The following ATRN variants were observed in gnomAD, a reference collection of about 807,000 sequenced individuals.
ATRN encodes the protein attractin.
ATRN carries 54 observed loss-of-function variants against 178.7 expected under a neutral mutation model. The ratio of observed to expected loss-of-function variants is 0.30; its 90% CI spans 0.24 to 0.38. ATRN has a LOEUF of 0.38. Ranked by LOEUF, ATRN falls within the 10% of genes least tolerant of loss-of-function variation. The pLI, the probability that ATRN is intolerant of heterozygous loss-of-function variation, is 1.00. For synonymous variants in ATRN, 636 were observed against 663.0 expected (o/e 0.96, Z 0.63); for missense variants, 1,443 against 1,815.1 (o/e 0.79, Z 3.73).
chr20:3,604,591 G>C (rs1487606129), intron 24 of ATRN, among the ~76,000 whole-genome samples: 2 of 152,240 alleles, frequency 1.3e-5, no homozygotes, highest in Non-Finnish European at 2.9e-5. Flanking sequence ...TTCAATTCTA[G>C]AGTAAGGTGG....
intron 1 of ATRN, chr20:3,491,001 T>G: frequency 1.3e-6 from 2 of 1,498,328 alleles, no homozygotes; most frequent in Non-Finnish European, 1.8e-6. Context: ...CAGTATTGTC[T>G]CCATCTTCCT....
intron 1 of ATRN, chr20:3,490,538 TATA>T: frequency 8.4e-7 from 1 of 1,193,370 alleles, no homozygotes; most frequent in Non-Finnish European, 1.3e-6. Flanking sequence ...AGGTATGTGA[TATA>T]ATCCAGCTTC....
At chr20:3,594,410 G>T in intron 19 of ATRN, 69 bp from the exon 20 acceptor site, 2 of 1,338,840 alleles carry the variant, frequency 1.5e-6, no homozygotes, top group East Asian at 2.5e-5. Flanking sequence ...TGCTTGTTTT[G>T]GAAAAAGTCT....
At chr20:3,483,722 G>C (rs986076760) in intron 1 of ATRN, among the ~76,000 whole-genome samples, 1 of 151,872 alleles carries the variant, frequency 6.6e-6, no homozygotes, top group African/African-American at 2.4e-5. Flanking sequence ...TCAGTCTTTT[G>C]AAACACCTCC....
chr20:3,495,228 T>C (rs2084862140), intron 1 of ATRN, among the ~76,000 whole-genome samples: 1 of 152,210 alleles, frequency 6.6e-6, no homozygotes, highest in Non-Finnish European at 1.5e-5. Flanking sequence ...GAAATATTTT[T>C]AGTATTGGTG....
At chr20:3,614,633 C>T (rs2086816152) in intron 24 of ATRN, among the ~76,000 whole-genome samples, 1 of 152,162 alleles carries the variant, frequency 6.6e-6, no homozygotes, top group Admixed American at 6.5e-5. Context: ...CTTATAACAG[C>T]TTTATTGAGA....
chr20:3,642,437 G>C (rs1218604923), intron 27 of ATRN, among the ~76,000 whole-genome samples: 2 of 152,184 alleles, frequency 1.3e-5, no homozygotes, highest in African/African-American at 4.8e-5. Context: ...CCAAAATCGT[G>C]GAATTGTTCT....
At chr20:3,567,850 AGCCCC>A in intron 11 of ATRN, among the ~76,000 whole-genome samples, 1 of 152,306 alleles carries the variant, frequency 6.6e-6, no homozygotes, top group South Asian at 2.1e-4. Context: ...AACTTTGCAG[AGCCCC>A]TGTGCAACCA....
chr20:3,639,932 T>C (rs903743109), intron 27 of ATRN, among the ~76,000 whole-genome samples: 2 of 152,136 alleles, frequency 1.3e-5, no homozygotes, highest in Non-Finnish European at 2.9e-5. Flanking sequence ...AAAAACATCT[T>C]CAATTCAGCG....
intron 1 of ATRN, among the ~76,000 whole-genome samples, chr20:3,479,203 T>TG (rs2146063978): frequency 6.6e-6 from 1 of 152,296 alleles, no homozygotes; most frequent in Admixed American, 6.5e-5. Context: ...TATTATCTTC[T>TG]TTTGAAATGA....
chr20:3,573,039 T>C (rs2086150274), intron 12 of ATRN, 88 bp downstream of exon 12: 2 of 1,189,548 alleles, frequency 1.7e-6, no homozygotes, highest in South Asian at 2.9e-5. Context: ...ATGTATACTT[T>C]TTATGTTTAC....
At chr20:3,485,661 G>A (rs369624266) in intron 1 of ATRN, among the ~76,000 whole-genome samples, 22 of 110,370 alleles carry the variant, frequency 2.0e-4, no homozygotes, top group African/African-American at 6.6e-4. Flanking sequence ...TTGCCCTGTC[G>A]TCCAGGCTGG....
At chr20:3,575,251 C>A (rs147369749) in intron 12 of ATRN, among the ~76,000 whole-genome samples, 1 of 152,314 alleles carries the variant, frequency 6.6e-6, no homozygotes, top group East Asian at 1.9e-4. Context: ...CATGAGCCAC[C>A]GCATCCGGCC....
chr20:3,479,044 G>A (rs959573378), intron 1 of ATRN, among the ~76,000 whole-genome samples: 1 of 150,922 alleles, frequency 6.6e-6, no homozygotes, highest in Non-Finnish European at 1.5e-5. Flanking sequence ...TCACAGGCCA[G>A]TGTGCCCAGC....
intron 26 of ATRN, 112 bp downstream of exon 26, chr20:3,634,501 TC>T: frequency 1.1e-6 from 1 of 896,374 alleles, no homozygotes; most frequent in Non-Finnish European, 1.8e-6. Flanking sequence ...GACAGACATC[TC>T]CACGGAAGGA....
intron 1 of ATRN, chr20:3,490,252 G>T (rs1398715833): frequency 1.4e-6 from 2 of 1,448,270 alleles, no homozygotes; most frequent in Non-Finnish European, 1.9e-6. Context: ...AACCCAGAGA[G>T]GCCAACTCCT....
At chr20:3,541,216 T>C (rs962120268) in intron 3 of ATRN, among the ~76,000 whole-genome samples, 6 of 151,782 alleles carry the variant, frequency 4.0e-5, no homozygotes, top group African/African-American at 1.5e-4. Context: ...TAGCTGGGAC[T>C]ACAGGCGCCC....
At chr20:3,589,401 T>C (rs1018554293) in intron 18 of ATRN, among the ~76,000 whole-genome samples, 1 of 152,120 alleles carries the variant, frequency 6.6e-6, no homozygotes, top group Non-Finnish European at 1.5e-5. Context: ...ATTATTCTTT[T>C]ACATTTTGCA....
chr20:3,502,715 A>G (rs911694749), intron 1 of ATRN, among the ~76,000 whole-genome samples: 1 of 152,114 alleles, frequency 6.6e-6, no homozygotes, highest in Non-Finnish European at 1.5e-5. Context: ...GGTAAGAGAG[A>G]CCCAACTATA....
Sources: allele counts gnomAD v4.1 joint callset (sites outside exome capture counted in the v4.1 genomes callset), GRCh38; gene constraint gnomAD v4.1.1; transcripts MANE v1.5; gene names NCBI Gene and HGNC (gene_info 2026-07-23, HGNC 2026-07-21).